CDC42: variants seen among roughly 807,000 people sequenced by gnomAD.
CDC42 encodes cell division cycle 42, also known as cell division control protein 42 homolog.
CDC42 carries 1 observed loss-of-function variant against 20.8 expected under a neutral mutation model. That is an observed-to-expected ratio of 0.05 (90% CI 0.02 to 0.23). CDC42 has a LOEUF of 0.23. CDC42 is among the 10% of genes least tolerant of loss of function. The pLI is 1.00. For synonymous variants in CDC42, 72 were observed against 84.8 expected (o/e 0.85, Z 0.83); for missense variants, 49 against 227.9 (o/e 0.21, Z 5.05).
chr1:22,054,476 T>C (rs1645273367), intron 1 of CDC42, among the ~76,000 whole-genome samples: 1 of 152,158 alleles, frequency 6.6e-6, no homozygotes, highest in South Asian at 2.1e-4. Flanking sequence ...TTTTGTTCCC[T>C]AGGGTGTTTA....
intron 1 of CDC42, among the ~76,000 whole-genome samples, chr1:22,072,978 A>G (rs751530338): frequency 7.2e-5 from 11 of 152,102 alleles, no homozygotes; most frequent in Admixed American, 5.9e-4. Context: ...TTTAATCTCA[A>G]ATCTTAAGGT....
At chr1:22,086,356 A>G in intron 3 of CDC42, 83 bp from the exon 4 acceptor site, 2 of 830,678 alleles carry the variant, frequency 2.4e-6, no homozygotes, top group Non-Finnish European at 3.9e-6. Context: ...TTGCTTTTTG[A>G]GTAATGACCA....
intron 2 of CDC42, chr1:22,078,920 T>C (rs1462783516): frequency 9.1e-7 from 1 of 1,100,278 alleles, no homozygotes; most frequent in Non-Finnish European, 1.2e-6. Flanking sequence ...TTTGGCCAAT[T>C]ATTGATCAGT....
At position 22,094,458 on chromosome 1, in the gene CDC42, C is replaced by T. The variant is rs550550926; in HGVS notation, c.*2941C>T. ...GACTACCGGCGCCCGCTACCACGCC[C>T]GGCTAATTTTTTGTATTTTTAGTAG... On this transcript the variant is annotated 3_prime_UTR_variant, in exon 6 of 6. Transcript: ENST00000656825. Among the ~76,000 whole-genome samples the T allele has an allele frequency of 7.9e-4, 115 of 146,000 alleles. 1 individual carries two copies. Among genetic ancestry groups the T allele is most frequent in the African/African-American group, 2.5e-3 (97 of 38,276 alleles).
At position 22,096,512 on chromosome 1, in the gene CDC42, T is replaced by C. The variant is rs930431969; in HGVS notation, c.*4995T>C. Among the ~76,000 whole-genome samples, 18 of 152,208 alleles carry C rather than the reference T, an allele frequency of 1.2e-4. No homozygotes were observed. The highest frequency in any genetic ancestry group is 4.3e-4 in the African/African-American group (18 of 41,448). ...TATTCATGACACATTCATTTGTCAT[T>C]ATTTATCAAAAACCTGTTCCCTTCC... On this transcript the variant is annotated 3_prime_UTR_variant, in exon 6 of 6. Coordinates refer to ENST00000656825, the MANE Select transcript of CDC42 (RefSeq NM_001791.4).
intron 1 of CDC42, among the ~76,000 whole-genome samples, chr1:22,069,170 CTTTTTTT>C (rs71724070): frequency 3.7e-4 from 30 of 80,810 alleles, no homozygotes; most frequent in African/African-American, 7.2e-4. Context: ...CATTTTATTC[CTTTTTTT>C]TTTTTTTTTT....
At chr1:22,071,191 C>T (rs565141008) in intron 1 of CDC42, among the ~76,000 whole-genome samples, 17 of 151,684 alleles carry the variant, frequency 1.1e-4, no homozygotes, top group African/African-American at 2.2e-4. Context: ...CTACAGGCGC[C>T]TGCCACCACG....
chr1:22,074,894 G>A (rs1426883019), intron 1 of CDC42, among the ~76,000 whole-genome samples: 1 of 152,204 alleles, frequency 6.6e-6, no homozygotes, highest in Admixed American at 6.5e-5. Flanking sequence ...AGTTGTTTCA[G>A]AGCTACCTTT....
intron 1 of CDC42, among the ~76,000 whole-genome samples, chr1:22,057,908 G>C (rs1569953434): frequency 6.6e-6 from 1 of 151,706 alleles, no homozygotes; most frequent in South Asian, 2.1e-4. Flanking sequence ...ATTTTTAGTA[G>C]AGGTGGGGGG....
At position 22,095,893 on chromosome 1, in the gene CDC42, A is replaced by G. The variant is rs1264433457; in HGVS notation, c.*4376A>G. On this transcript the variant is annotated 3_prime_UTR_variant, in exon 6 of 6. Coordinates refer to ENST00000656825, the MANE Select transcript of CDC42 (RefSeq NM_001791.4). ...TACACTTTCTCGTATTCCATTGCCC[A>G]GAGATGGCATATAGCCGATCCCAAG... 6.6e-6 allele frequency among the ~76,000 whole-genome samples: 1 copy of G among 152,240 alleles called. No homozygotes were observed. Among genetic ancestry groups the G allele is most frequent in the Non-Finnish European group, 1.5e-5 (1 of 68,038 alleles).
intron 1 of CDC42, among the ~76,000 whole-genome samples, chr1:22,053,085 TC>T (rs998126915): frequency 6.7e-6 from 1 of 150,124 alleles, no homozygotes; most frequent in Non-Finnish European, 1.5e-5. Flanking sequence ...CGGGCTCCCC[TC>T]CCCCCAGCCC....
chr1:22,099,015 A>G lies in CDC42; in HGVS notation c.*7498A>G, dbSNP rs759758354. Among the ~76,000 whole-genome samples, 2 of 152,096 alleles carry G rather than the reference A, an allele frequency of 1.3e-5. No individual in the cohort carries two copies. Among genetic ancestry groups the G allele is most frequent in the African/African-American group, 2.4e-5 (1 of 41,400 alleles). The stretch of plus-strand genomic sequence containing the variant: ...CTGATCCTCCCACCTCGGCCTCCCA[A>G]CGTGCTGGGATTACAGGCATTAGCC... On this transcript the variant is annotated 3_prime_UTR_variant, in exon 6 of 6. Transcript: ENST00000656825.
rs184005251 is a variant in CDC42 at position 22,063,476 on chromosome 1, T to C, written c.-51+10734T>C. 2.0e-3 allele frequency among the ~76,000 whole-genome samples: 304 copies of C among 152,322 alleles called. 3 individuals are homozygous for C. Among genetic ancestry groups the C allele is most frequent in the Non-Finnish European group, 3.2e-3 (219 of 68,022 alleles). On this transcript the variant is annotated intron_variant, in intron 1 of 5. Transcript: ENST00000656825. The stretch of plus-strand genomic sequence containing the variant: ...AGATATCTTACTTAGATAACTTTTG[T>C]AATAAGTTAATAGGATTTCGTTCTT...
At position 22,086,565 on chromosome 1, in the gene CDC42, C is replaced by G. The variant is rs566930929; in HGVS notation, c.288+17C>G. 7 of 1,590,250 alleles carry G rather than the reference C, an allele frequency of 4.4e-6. No homozygotes were observed. The highest frequency in any genetic ancestry group is 6.0e-6 in the Non-Finnish European group (7 of 1,159,082). Reference sequence around the variant, plus strand: ...AAAGAAAAGGTAAGCTGATCAGATACTCTTGCCCTAAGAAGATCATCTCAG... The same window carrying G: ...AAAGAAAAGGTAAGCTGATCAGATAGTCTTGCCCTAAGAAGATCATCTCAG... On this transcript the variant is annotated intron_variant, in intron 4 of 5. Coordinates refer to ENST00000656825, the MANE Select transcript of CDC42 (RefSeq NM_001791.4).
intron 1 of CDC42, among the ~76,000 whole-genome samples, chr1:22,067,467 G>A (rs750062276): frequency 6.6e-6 from 1 of 151,930 alleles, no homozygotes; most frequent in Non-Finnish European, 1.5e-5. Context: ...CCAAGCAAGC[G>A]ATCCTCCTGA....
intron 2 of CDC42, among the ~76,000 whole-genome samples, chr1:22,081,470 C>T (rs994714366): frequency 6.6e-6 from 1 of 152,236 alleles, no homozygotes; most frequent in East Asian, 1.9e-4. Flanking sequence ...TGTGACACCT[C>T]TAAACCTTCT....
At chr1:22,076,432 T>C (rs1001897518) in intron 1 of CDC42, among the ~76,000 whole-genome samples, 3 of 149,468 alleles carry the variant, frequency 2.0e-5, no homozygotes, top group African/African-American at 4.9e-5. Flanking sequence ...CACTGACACA[T>C]ACACACACAC....
chr1:22,089,902 T>G, intron 5 of CDC42: 1 of 1,604,206 alleles, frequency 6.2e-7, no homozygotes, highest in Non-Finnish European at 8.5e-7. Context: ...TCTAATCCTC[T>G]AACCTGGCTG....
chr1:22,084,335 GTTTTTTTTTTTTTT>G (rs61584354), intron 3 of CDC42, among the ~76,000 whole-genome samples: 1 of 80,690 alleles, frequency 1.2e-5, no homozygotes, highest in African/African-American at 5.0e-5. Flanking sequence ...CTTATTTCCT[GTTTTTTTTTTTTTT>G]TTTTTTTTTT....
Sources: gnomAD v4.1 joint callset for allele counts (sites outside exome capture counted in the v4.1 genomes callset) on GRCh38, gnomAD v4.1.1 for gene constraint, MANE v1.5 for transcripts, NCBI Gene and HGNC (gene_info 2026-07-23, HGNC 2026-07-21) for gene names.